Variants in RAB3IL1 observed in about 807,000 individuals in gnomAD.
The protein encoded by RAB3IL1 is guanine nucleotide exchange factor for Rab-3A.
RAB3IL1 carries 37 observed loss-of-function variants against 49.2 expected under a neutral mutation model. The observed-to-expected ratio is 0.75, with a 90% CI of 0.58 to 0.99. RAB3IL1 has a LOEUF of 0.99. RAB3IL1 is among the 50% of genes least tolerant of loss of function. The pLI is 0.00. For synonymous variants in RAB3IL1, 193 were observed against 213.9 expected (o/e 0.90, Z 0.85); for missense variants, 484 against 513.0 (o/e 0.94, Z 0.55).
upstream of RAB3IL1, among the ~76,000 whole-genome samples, chr11:61,921,017 T>C (rs1035783892): frequency 2.0e-5 from 3 of 152,050 alleles, no homozygotes; most frequent in African/African-American, 7.2e-5. Flanking sequence ...CCCAGTTTTG[T>C]TTTTTGTTTG....
Position 61,898,388 on chromosome 11 carries a change from C to T in RAB3IL1, c.1067-28G>A, listed in dbSNP as rs371361294. The T allele has an allele frequency of 2.3e-4, 370 of 1,605,156 alleles. 6 individuals are homozygous for T. Among genetic ancestry groups the T allele is most frequent in the South Asian group, 1.2e-3 (113 of 90,928 alleles). On this transcript the variant is annotated intron_variant, in intron 9 of 9. Coordinates refer to ENST00000394836, the MANE Select transcript of RAB3IL1 (RefSeq NM_013401.4). This position sits in a 1 kb window ranked among gnomAD's most constrained non-coding sequence, Gnocchi z 5.1. ...GCAGGCAGAGAGAGGGTGAACAGGTCGGGGACAGCTCAGGGTCACCTCGGG... is the reference window on the plus strand; with the variant it reads ...GCAGGCAGAGAGAGGGTGAACAGGTTGGGGACAGCTCAGGGTCACCTCGGG...
chr11:61,914,489 C>T (rs537629826), intron 1 of RAB3IL1, among the ~76,000 whole-genome samples: 2 of 152,346 alleles, frequency 1.3e-5, no homozygotes, highest in East Asian at 3.9e-4. Flanking sequence ...GCTGTCCTCA[C>T]CTCGTCACCT....
At position 61,898,077 on chromosome 11, in the gene RAB3IL1, G is replaced by C; in HGVS notation, c.*201C>G. ...CAGAACCCAGTGGGGAAGAGAGGGG[G>C]GTCTTGCCGTGAAGTCCAGGCCCGT... On this transcript the variant is annotated 3_prime_UTR_variant, in exon 10 of 10. Coordinates refer to ENST00000394836, the MANE Select transcript of RAB3IL1 (RefSeq NM_013401.4). This position sits in a 1 kb window ranked among gnomAD's most constrained non-coding sequence, Gnocchi z 5.1. 1 of 572,890 alleles carries C rather than the reference G, an allele frequency of 1.7e-6. No individual in the cohort carries two copies. Among genetic ancestry groups the C allele is most frequent in the African/African-American group, 1.9e-5 (1 of 52,560 alleles). 35.5% of individuals were successfully genotyped at this position (572,890 alleles called of 1,614,324 possible).
the RAB3IL1 span, among the ~76,000 whole-genome samples, chr11:61,932,828 G>A: frequency 6.9e-6 from 1 of 145,818 alleles, no homozygotes; most frequent in Non-Finnish European, 1.5e-5. Context: ...CTGGAGTGCA[G>A]TGGCACAATC....
At position 61,904,661 on chromosome 11, in the gene RAB3IL1, G is replaced by A. The variant is rs1006729852; in HGVS notation, c.787-3C>T. Reference sequence around the variant, plus strand: ...GCGGCCCGTACCAGCACCGAGAGCTGTGGCAGACCAGGGAGGCAGGCAGGG... The same window carrying A: ...GCGGCCCGTACCAGCACCGAGAGCTATGGCAGACCAGGGAGGCAGGCAGGG... On this transcript the variant is annotated splice_region_variant and splice_polypyrimidine_tract_variant and intron_variant, in intron 6 of 9. Transcript: ENST00000394836. 1 of 1,609,106 alleles carries A rather than the reference G, an allele frequency of 6.2e-7. No individual in the cohort carries two copies.
chr11:61,899,162 T>A, intron 9 of RAB3IL1, 152 bp downstream of exon 9: 2 of 860,692 alleles, frequency 2.3e-6, no homozygotes, highest in Non-Finnish European at 3.6e-6. Context: ...CCAGGAAGTT[T>A]GTGAACGCTT....
the RAB3IL1 span, among the ~76,000 whole-genome samples, chr11:61,929,590 A>AT: frequency 0.24 from 34,818 of 144,710 alleles, 4,269 homozygotes; most frequent in Non-Finnish European, 0.29. Context: ...AACCAAGCAG[A>AT]TTTTTTTTTT....
upstream of RAB3IL1, among the ~76,000 whole-genome samples, chr11:61,920,808 A>C (rs956175356): frequency 6.6e-6 from 1 of 152,106 alleles, no homozygotes; most frequent in African/African-American, 2.4e-5. Flanking sequence ...CTGTAATCTC[A>C]GCTACTCGGG....
At chr11:61,907,116 G>A (rs894400202) in intron 4 of RAB3IL1, among the ~76,000 whole-genome samples, 15 of 152,220 alleles carry the variant, frequency 9.9e-5, no homozygotes, top group African/African-American at 3.6e-4. Flanking sequence ...GGAGGAGAGG[G>A]AAGAAGGTAC....
At chr11:61,940,088 T>A in the RAB3IL1 span, among the ~76,000 whole-genome samples, 1 of 151,744 alleles carries the variant, frequency 6.6e-6, no homozygotes, top group East Asian at 1.9e-4. Flanking sequence ...AAAGCTGCAG[T>A]GAGCTATGAT....
At chr11:61,912,546 G>A (rs776059366) in intron 1 of RAB3IL1, among the ~76,000 whole-genome samples, 4 of 152,314 alleles carry the variant, frequency 2.6e-5, no homozygotes, top group Non-Finnish European at 5.9e-5. Flanking sequence ...CTGGAAGCTC[G>A]GGACAATTGC....
rs1356305637 is a variant in RAB3IL1, at chr11:61,906,707, C to T, written c.439-23G>A. ...GATCTGCATGGGATGGGATGGCTGT[C>T]AACCCTCACCCAGACTGGATGCCAT... On this transcript the variant is annotated intron_variant, in intron 4 of 9. Coordinates refer to ENST00000394836, the MANE Select transcript of RAB3IL1 (RefSeq NM_013401.4). This position sits in a 1 kb window ranked among gnomAD's most constrained non-coding sequence, Gnocchi z 4.6. 7 of 1,585,240 alleles carry T rather than the reference C, an allele frequency of 4.4e-6. No individual in the cohort carries two copies. The East Asian group carries it at 1.6e-4, about 36-fold the overall frequency.
chr11:61,935,803 C>T, the RAB3IL1 span, among the ~76,000 whole-genome samples: 1 of 151,988 alleles, frequency 6.6e-6, no homozygotes, highest in Non-Finnish European at 1.5e-5. Context: ...GGGTGAGCCA[C>T]CACACCTGGC....
At chr11:61,909,324 A>T (rs1346496128) in intron 1 of RAB3IL1, among the ~76,000 whole-genome samples, 1 of 151,894 alleles carries the variant, frequency 6.6e-6, no homozygotes, top group African/African-American at 2.4e-5. Context: ...CAGAGGGAGG[A>T]GTGAGAGGCA....
In RAB3IL1 at chr11:61,906,803, C is replaced by T; in HGVS notation, c.439-119G>A. The stretch of plus-strand genomic sequence containing the variant: ...TGCAGTGACAGGCACTTAGTCCCAC[C>T]CGACGCCCTCAGAACAGCCTTCGAG... On this transcript the variant is annotated intron_variant, in intron 4 of 9. Coordinates refer to ENST00000394836, the MANE Select transcript of RAB3IL1 (RefSeq NM_013401.4). This position sits in a 1 kb window ranked among gnomAD's most constrained non-coding sequence, Gnocchi z 4.6. 1.1e-6 allele frequency: 1 copy of T among 943,622 alleles called. No individual in the cohort carries two copies. Among genetic ancestry groups the T allele is most frequent in the Non-Finnish European group, 1.6e-6 (1 of 606,490 alleles). 58.5% of individuals were successfully genotyped at this position (943,622 alleles called of 1,614,324 possible). A position where few individuals can be genotyped will look rare whatever the true frequency, so the allele number is the denominator to read the frequency against.
At chr11:61,914,608 G>C (rs1020591334) in intron 1 of RAB3IL1, among the ~76,000 whole-genome samples, 2 of 152,166 alleles carry the variant, frequency 1.3e-5, no homozygotes, top group Non-Finnish European at 2.9e-5. Context: ...GCTGCCTCTG[G>C]GTTTGGAGTT....
At chr11:61,911,638 C>T (rs189481738) in intron 1 of RAB3IL1, among the ~76,000 whole-genome samples, 9 of 152,338 alleles carry the variant, frequency 5.9e-5, no homozygotes, top group South Asian at 2.1e-4. Context: ...GTACAAACCT[C>T]CTCAGTCCCC....
the RAB3IL1 span, among the ~76,000 whole-genome samples, chr11:61,934,481 T>TATATAC: frequency 8.9e-6 from 1 of 112,066 alleles, no homozygotes; most frequent in Non-Finnish European, 1.9e-5. Flanking sequence ...TATATATATA[T>TATATAC]ATATATATAT....
chr11:61,941,861 T>C, the RAB3IL1 span, among the ~76,000 whole-genome samples: 1 of 152,118 alleles, frequency 6.6e-6, no homozygotes, highest in African/African-American at 2.4e-5. Flanking sequence ...AGATTATACA[T>C]CGTGTCCATG....
Sources: allele counts gnomAD v4.1 joint callset (sites outside exome capture counted in the v4.1 genomes callset), GRCh38; gene constraint gnomAD v4.1.1; non-coding constraint Gnocchi (gnomAD v3.1); transcripts MANE v1.5; gene names NCBI Gene and HGNC (gene_info 2026-07-23, HGNC 2026-07-21).